GRIA3: variants seen among roughly 807,000 people sequenced by gnomAD.
GRIA3 encodes the protein glutamate receptor 3.
A neutral mutation model predicts 63.0 loss-of-function variants in GRIA3; 3 were observed. The observed-to-expected ratio is 0.05, with a 90% CI of 0.02 to 0.12. The LOEUF (loss-of-function observed/expected upper bound fraction) is 0.12, where lower values mean the gene tolerates loss of function less well. Ranked by LOEUF, GRIA3 falls within the 10% of genes least tolerant of loss-of-function variation. The pLI is 1.00. For synonymous variants in GRIA3, 274 were observed against 257.9 expected (o/e 1.06, Z -0.60); for missense variants, 347 against 700.9 (o/e 0.50, Z 5.70).
intron 11 of GRIA3, among the ~76,000 whole-genome samples, chrX:123,419,050 A>C (rs2045550369): frequency 8.9e-6 from 1 of 112,197 alleles, no homozygotes; most frequent in African/African-American, 3.2e-5. Flanking sequence ...TATATAGTGG[A>C]ATACTATTCA....
intron 13 of GRIA3, among the ~76,000 whole-genome samples, chrX:123,477,989 T>C (rs2045894645): frequency 9.0e-6 from 1 of 111,687 alleles, no homozygotes; most frequent in Non-Finnish European, 1.9e-5. Flanking sequence ...GAATTTGCTT[T>C]GTAGTTTCTC....
At chrX:123,272,529 T>C (rs1311998828) in intron 3 of GRIA3, among the ~76,000 whole-genome samples, 1 of 111,797 alleles carries the variant, frequency 8.9e-6, no homozygotes. Flanking sequence ...TAATTGGAAG[T>C]TGACCTTTCT....
At chrX:123,405,008 A>G (rs762317661) in intron 10 of GRIA3, 94 bp downstream of exon 10, 10 of 665,855 alleles carry the variant, frequency 1.5e-5, no homozygotes, top group African/African-American at 2.1e-5. Flanking sequence ...TGTTTATCCA[A>G]TTGTATAGTT....
chrX:123,288,848 G>A (rs996853064), intron 3 of GRIA3, among the ~76,000 whole-genome samples: 1 of 111,998 alleles, frequency 8.9e-6, no homozygotes, highest in Admixed American at 9.4e-5. Context: ...AACCATTGTG[G>A]ATGACAGTAT....
At position 123,373,990 on chromosome X, in the gene GRIA3, T is replaced by C. The variant is rs371504577; in HGVS notation, c.750+19027T>C. Among the ~76,000 whole-genome samples, 55 of 112,126 alleles carry C rather than the reference T, an allele frequency of 4.9e-4. 8 individuals carry two copies. Among genetic ancestry groups the C allele is most frequent in the Admixed American group, 4.1e-3 (43 of 10,558 alleles). Reference sequence around the variant, plus strand: ...CTTCTAGGGTTTTTATGGTTTTAGGTCTACAATTTAAGTCTTTAATCCATC... The same window carrying C: ...CTTCTAGGGTTTTTATGGTTTTAGGCCTACAATTTAAGTCTTTAATCCATC... On this transcript the variant is annotated intron_variant, in intron 5 of 15. Coordinates refer to ENST00000620443, the MANE Select transcript of GRIA3 (RefSeq NM_007325.5).
At chrX:123,391,377 A>G (rs1003627354) in intron 5 of GRIA3, among the ~76,000 whole-genome samples, 2 of 111,662 alleles carry the variant, frequency 1.8e-5, no homozygotes, top group South Asian at 7.6e-4. Context: ...CGGTATGTGC[A>G]ATAATATAGT....
At position 123,363,794 on chromosome X, in the gene GRIA3, C is replaced by T. The variant is rs77746366; in HGVS notation, c.750+8831C>T. ...CCTACAAATCAAAATGGGTAGTTTC[C>T]GTTTCAGAAGAATCACTTCTGGATA... On this transcript the variant is annotated intron_variant, in intron 5 of 15. Transcript: ENST00000620443. Among the ~76,000 whole-genome samples the T allele has an allele frequency of 9.0e-4, 101 of 112,233 alleles. No homozygotes were observed. The East Asian group carries it at 0.022, about 25-fold the overall frequency.
In GRIA3 at chrX:123,184,596, G is replaced by A. The variant is rs761311137; in HGVS notation, c.61G>A (p.Gly21Arg). Residue 21 changes from glycine to arginine, a missense_variant, in exon 1 of 16, where the codon GGG (glycine) becomes AGG (arginine). Physicochemically the swap from Gly to Arg is moderately radical, Grantham distance 125 (BLOSUM62 -2). This residue lies in a region of GRIA3 where 36 missense variants were observed against 28.2 expected (regional missense o/e 1.28). Coordinates refer to ENST00000620443, the MANE Select transcript of GRIA3 (RefSeq NM_007325.5). ...VLRAVFFLVL[G>R]LLGHSHGGFP... is the part of the protein sequence containing the mutation. ...CCGGGCGGTCTTCTTTTTAGTCCTG[G>A]GGCTTTTGGGTCATTCTCACGGAGG... 8.3e-7 allele frequency: 1 copy of A among 1,206,661 alleles called. No individual in the cohort carries two copies. Among genetic ancestry groups the A allele is most frequent in the Admixed American group, 2.2e-5 (1 of 45,644 alleles).
chrX:123,432,845 G>C, intron 12 of GRIA3, among the ~76,000 whole-genome samples: 1 of 111,887 alleles, frequency 8.9e-6, no homozygotes, highest in Middle Eastern at 4.6e-3. Flanking sequence ...TTAGCCTATT[G>C]CACTAACCAC....
chrX:123,186,649 C>A (rs1042135159), intron 2 of GRIA3, among the ~76,000 whole-genome samples: 32 of 111,286 alleles, frequency 2.9e-4, no homozygotes, highest in Admixed American at 2.9e-3. Context: ...GCCTAGCAAA[C>A]TGAGGGGAGG....
intron 2 of GRIA3, among the ~76,000 whole-genome samples, chrX:123,187,095 T>C (rs1268112367): frequency 8.9e-6 from 1 of 111,812 alleles, no homozygotes; most frequent in Admixed American, 9.4e-5. Context: ...GAATTTGGGG[T>C]TTTTCTTCCT....
chrX:123,204,704 G>A (rs1927839268), intron 2 of GRIA3: 5 of 969,847 alleles, frequency 5.2e-6, no homozygotes, highest in Non-Finnish European at 6.6e-6. Context: ...AGTTGTGTGG[G>A]TGTATTTTTG....
At chrX:123,395,904 A>G (rs1268420014) in intron 6 of GRIA3, among the ~76,000 whole-genome samples, 2 of 110,958 alleles carry the variant, frequency 1.8e-5, no homozygotes, top group Non-Finnish European at 3.8e-5. Context: ...TGATATAGTG[A>G]AAGTATGTAC....
At chrX:123,449,948 G>A (rs948335707) in intron 12 of GRIA3, among the ~76,000 whole-genome samples, 7 of 111,460 alleles carry the variant, frequency 6.3e-5, no homozygotes, top group African/African-American at 2.0e-4. Context: ...TTCTTCCTCT[G>A]GTATTCTTCT....
intron 2 of GRIA3, chrX:123,204,337 T>C: frequency 1.0e-6 from 1 of 956,582 alleles, no homozygotes; most frequent in South Asian, 2.1e-5. Flanking sequence ...TTCCAAAAGG[T>C]GACCCCATGA....
chrX:123,368,837 A>G (rs757398971), intron 5 of GRIA3, among the ~76,000 whole-genome samples: 1 of 111,260 alleles, frequency 9.0e-6, no homozygotes, highest in Admixed American at 9.6e-5. Flanking sequence ...TTAGCTAATC[A>G]TTTAGCCAGA....
chrX:123,447,562 A>T (rs1183395074), intron 12 of GRIA3, among the ~76,000 whole-genome samples: 1 of 112,274 alleles, frequency 8.9e-6, no homozygotes, highest in Non-Finnish European at 1.9e-5. Flanking sequence ...ATATAAAACA[A>T]CCTAGTTTTC....
At chrX:123,224,301 A>T (rs2044233648) in intron 2 of GRIA3, among the ~76,000 whole-genome samples, 1 of 111,755 alleles carries the variant, frequency 8.9e-6, no homozygotes, top group African/African-American at 3.3e-5. Flanking sequence ...GACTTACATG[A>T]TTCTAAGTCT....
At chrX:123,429,385 AT>A (rs2045605940) in intron 12 of GRIA3, among the ~76,000 whole-genome samples, 2 of 111,787 alleles carry the variant, frequency 1.8e-5, no homozygotes, top group Non-Finnish European at 3.8e-5. Context: ...ATTCTCATTG[AT>A]TCAAGATATC....
Sources: allele counts gnomAD v4.1 joint callset (sites outside exome capture counted in the v4.1 genomes callset), GRCh38; gene constraint gnomAD v4.1.1; regional missense constraint gnomAD v4.1.1; transcripts MANE v1.5; gene names NCBI Gene and HGNC (gene_info 2026-07-23, HGNC 2026-07-21).